PTPN2: variants seen among roughly 807,000 people sequenced by gnomAD.
The protein encoded by PTPN2 is protein tyrosine phosphatase non-receptor type 2.
In PTPN2, 19 loss-of-function variants were observed where a neutral mutation model predicts 57.3. That is an observed-to-expected ratio of 0.33 (90% CI 0.23 to 0.49). The LOEUF is 0.49. Ranked by LOEUF, PTPN2 falls within the 20% of genes least tolerant of loss-of-function variation. PTPN2 has a pLI of 0.99. For synonymous variants in PTPN2, 153 were observed against 164.9 expected, an observed-to-expected ratio of 0.93 and a Z score of 0.55; for missense variants, 358 against 501.1, an observed-to-expected ratio of 0.71 and a Z score of 2.73.
chr18:12,813,828 T>G (rs1381542847), intron 7 of PTPN2, among the ~76,000 whole-genome samples: 1 of 152,238 alleles, frequency 6.6e-6, no homozygotes, highest in East Asian at 1.9e-4. Context: ...GCCATAAATA[T>G]TCAAGTTGCT....
intron 8 of PTPN2, among the ~76,000 whole-genome samples, chr18:12,796,670 C>T (rs772031964): frequency 3.4e-4 from 52 of 152,232 alleles, no homozygotes; most frequent in African/African-American, 1.2e-3. Flanking sequence ...TCCATGCAAA[C>T]GCTTGCCAAT....
chr18:12,871,931 C>G (rs1031212403), intron 1 of PTPN2, among the ~76,000 whole-genome samples: 16 of 152,086 alleles, frequency 1.1e-4, no homozygotes, highest in African/African-American at 3.6e-4. Flanking sequence ...GCCTGTAATC[C>G]CAGCTACTGA....
intron 7 of PTPN2, among the ~76,000 whole-genome samples, chr18:12,805,821 A>G (rs1184281174): frequency 2.0e-5 from 3 of 151,962 alleles, no homozygotes; most frequent in African/African-American, 7.2e-5. Context: ...GTAGAGGCAG[A>G]GTTTCACCAT....
intron 1 of PTPN2, among the ~76,000 whole-genome samples, chr18:12,882,917 T>C (rs1345493973): frequency 6.6e-6 from 1 of 152,196 alleles, no homozygotes; most frequent in Non-Finnish European, 1.5e-5. Flanking sequence ...CGTCACCAAA[T>C]TCAATCTTGG....
intron 1 of PTPN2, 54 bp from the exon 2 acceptor site, chr18:12,859,308 A>C: frequency 8.2e-7 from 1 of 1,226,992 alleles, no homozygotes; most frequent in Non-Finnish European, 1.2e-6. Context: ...CCACAGCAAA[A>C]CTTATCTTCC....
At chr18:12,831,104 A>G in intron 3 of PTPN2, 63 bp from the exon 4 acceptor site, 1 of 1,209,866 alleles carries the variant, frequency 8.3e-7, no homozygotes, top group Middle Eastern at 1.9e-4. Flanking sequence ...GGCTCCAGGA[A>G]GGCCTTGTTA....
At chr18:12,863,961 TTA>T (rs2043905059) in intron 1 of PTPN2, 1 of 152,212 alleles carries the variant, frequency 6.6e-6, no homozygotes, top group African/African-American at 2.4e-5. Flanking sequence ...TCACAGTTAC[TTA>T]TAATGTTGAA....
At chr18:12,872,410 A>G (rs948266518) in intron 1 of PTPN2, 1 of 152,246 alleles carries the variant, frequency 6.6e-6, no homozygotes, top group Non-Finnish European at 1.5e-5. Context: ...AGTGACACGA[A>G]CCAAATGAAA....
intron 1 of PTPN2, among the ~76,000 whole-genome samples, chr18:12,883,209 T>C (rs1263821098): frequency 6.6e-6 from 1 of 152,328 alleles, no homozygotes; most frequent in East Asian, 1.9e-4. Flanking sequence ...GTGACACCCG[T>C]CTGGGAGCAC....
intron 3 of PTPN2, 102 bp from the exon 4 acceptor site, chr18:12,831,143 A>C (rs948298395): frequency 4.3e-6 from 3 of 699,746 alleles, no homozygotes; most frequent in African/African-American, 3.5e-5. Flanking sequence ...TACAAGACAG[A>C]CAGCGGACGG....
intron 7 of PTPN2, among the ~76,000 whole-genome samples, chr18:12,812,089 T>G (rs1226778508): frequency 6.6e-6 from 1 of 152,198 alleles, no homozygotes; most frequent in African/African-American, 2.4e-5. Flanking sequence ...AAACTAGATA[T>G]TTACTCTGGG....
intron 8 of PTPN2, among the ~76,000 whole-genome samples, chr18:12,796,051 C>T (rs2041168792): frequency 6.6e-6 from 1 of 151,546 alleles, no homozygotes; most frequent in Non-Finnish European, 1.5e-5. Flanking sequence ...AGACGTTTAA[C>T]CTGAATTTAA....
At chr18:12,870,462 T>TAGAGAGAGAGAG (rs762120431) in intron 1 of PTPN2, among the ~76,000 whole-genome samples, 8 of 17,712 alleles carry the variant, frequency 4.5e-4, no homozygotes, top group African/African-American at 9.7e-4. Flanking sequence ...TATATATATA[T>TAGAGAGAGAGAG]AGAGAGAGAG....
intron 7 of PTPN2, among the ~76,000 whole-genome samples, chr18:12,809,506 A>G (rs768826532): frequency 9.9e-5 from 15 of 152,216 alleles, no homozygotes; most frequent in Non-Finnish European, 2.2e-4. Flanking sequence ...GCCAGTGGCA[A>G]GTGGTAGAGG....
At chr18:12,839,504 T>A (rs1485674331) in intron 2 of PTPN2, 1 of 152,170 alleles carries the variant, frequency 6.6e-6, no homozygotes, top group Non-Finnish European at 1.5e-5. Flanking sequence ...TACTTTACCA[T>A]CCTTGTAAGT....
Position 12,802,092 on chromosome 18 carries a change from G to A in PTPN2, c.918C>T (p.Asn306=). ...CATTGTATTTTTCAGTCATTATTTT[G>A]TTTGGTGAATGATCAAAGGCAGGAG... The part of the protein sequence containing the change: ...DLSPAFDHSP[N]KIMTEKYNGN... The change falls in exon 8 of 9, where the codon AAC becomes AAT. Residue 306 remains asparagine, a synonymous_variant. Coordinates refer to ENST00000309660, the MANE Select transcript of PTPN2 (RefSeq NM_002828.4). 2 of 1,612,098 alleles carry A rather than the reference G, an allele frequency of 1.2e-6. No homozygotes were observed. Among genetic ancestry groups the A allele is most frequent in the Middle Eastern group, 3.3e-4 (2 of 6,016 alleles).
chr18:12,815,216 T>A (rs1033071411), intron 6 of PTPN2, among the ~76,000 whole-genome samples: 2 of 151,564 alleles, frequency 1.3e-5, no homozygotes, highest in Admixed American at 6.6e-5. Context: ...GATTGAGACC[T>A]TCCTGGACAA....
intron 3 of PTPN2, among the ~76,000 whole-genome samples, chr18:12,834,709 T>A (rs565043227): frequency 1.3e-5 from 2 of 150,276 alleles, no homozygotes; most frequent in South Asian, 2.1e-4. Context: ...AGGGCTGTAG[T>A]GCAGACTGGA....
intron 3 of PTPN2, 61 bp from the exon 4 acceptor site, chr18:12,831,102 G>A (rs2145373393): frequency 4.8e-6 from 6 of 1,242,256 alleles, no homozygotes; most frequent in Non-Finnish European, 7.0e-6. Context: ...AAGGCTCCAG[G>A]AAGGCCTTGT....
Sources: gnomAD v4.1 joint callset for allele counts (sites outside exome capture counted in the v4.1 genomes callset) on GRCh38, gnomAD v4.1.1 for gene constraint, MANE v1.5 for transcripts, NCBI Gene and HGNC (gene_info 2026-07-23, HGNC 2026-07-21) for gene names.